The following R3HCC1L variants were observed in gnomAD, a reference collection of about 807,000 sequenced individuals.
R3HCC1L encodes R3H domain and coiled-coil containing 1 like.
A neutral mutation model predicts 59.9 loss-of-function variants in R3HCC1L; 51 were observed. The observed-to-expected ratio is 0.85, with a 90% confidence interval of 0.68 to 1.07. The LOEUF (loss-of-function observed/expected upper bound fraction) is 1.07. Ranked by LOEUF, R3HCC1L falls within the 50% of genes least tolerant of loss-of-function variation. The pLI, the probability that R3HCC1L is intolerant of heterozygous loss-of-function variation, is 0.00. For missense variants in R3HCC1L, 965 were observed against 933.0 expected (o/e 1.03, Z -0.45); for synonymous variants, 322 against 315.2 (o/e 1.02, Z -0.23).
chr10:98,177,345 A>C (rs774301331), intron 4 of R3HCC1L, among the ~76,000 whole-genome samples: 1 of 152,144 alleles, frequency 6.6e-6, no homozygotes, highest in Admixed American at 6.6e-5. Context: ...CCACGTCCCT[A>C]CAAAGGACAT....
intron 4 of R3HCC1L, among the ~76,000 whole-genome samples, chr10:98,185,070 C>T (rs1850080195): frequency 6.6e-6 from 1 of 152,140 alleles, no homozygotes; most frequent in Non-Finnish European, 1.5e-5. Flanking sequence ...GTGAAAATGA[C>T]TTTCTAACTT....
intron 6 of R3HCC1L, among the ~76,000 whole-genome samples, chr10:98,233,222 A>C (rs1179780545): frequency 6.6e-6 from 1 of 152,078 alleles, no homozygotes; most frequent in Non-Finnish European, 1.5e-5. Flanking sequence ...AGATCAATTA[A>C]CTCTTACAAA....
chr10:98,193,037 A>T (rs1192710909), intron 4 of R3HCC1L, among the ~76,000 whole-genome samples: 2 of 152,156 alleles, frequency 1.3e-5, no homozygotes, highest in Non-Finnish European at 2.9e-5. Context: ...AAATCACATC[A>T]TTTCAACTGA....
intron 4 of R3HCC1L, among the ~76,000 whole-genome samples, chr10:98,167,429 C>A (rs116010330): frequency 6.6e-6 from 1 of 152,152 alleles, no homozygotes; most frequent in Non-Finnish European, 1.5e-5. Context: ...GTGATAGATA[C>A]GGAGCTGTAG....
At chr10:98,166,341 A>G (rs1847944906) in intron 4 of R3HCC1L, among the ~76,000 whole-genome samples, 1 of 152,212 alleles carries the variant, frequency 6.6e-6, no homozygotes, top group Admixed American at 6.5e-5. Flanking sequence ...AATTGTGAGA[A>G]ATTTTTGTTG....
chr10:98,229,518 A>C (rs1321176456), intron 5 of R3HCC1L, among the ~76,000 whole-genome samples: 3 of 152,206 alleles, frequency 2.0e-5, no homozygotes, highest in Non-Finnish European at 4.4e-5. Context: ...CAATCATGTC[A>C]TCTGCAAACA....
chr10:98,149,295 C>G (rs1325130000), intron 1 of R3HCC1L, among the ~76,000 whole-genome samples: 1 of 151,986 alleles, frequency 6.6e-6, no homozygotes, highest in Admixed American at 6.6e-5. Context: ...GATTTTGTTT[C>G]TCTTTTCAAA....
At chr10:98,243,196 C>T (rs147360481) in intron 9 of R3HCC1L, among the ~76,000 whole-genome samples, 1 of 152,254 alleles carries the variant, frequency 6.6e-6, no homozygotes, top group East Asian at 1.9e-4. Flanking sequence ...GAATTCATCT[C>T]GATTTCTGTA....
chr10:98,209,695 G>T lies in R3HCC1L; in HGVS notation c.1581G>T (p.Glu527Asp). The T allele has an allele frequency of 6.2e-7, 1 of 1,613,994 alleles. No individual in the cohort carries two copies. Among genetic ancestry groups the T allele is most frequent in the Non-Finnish European group, 8.5e-7 (1 of 1,179,914 alleles). ...TGCACGAACTAAGAACTGCCGAAGA[G>T]TTCAAAACAGAAGAGCAAGATGACT... ...EALHELRTAE[E>D]FKTEEQDDSG... is the part of the protein sequence containing the mutation. Residue 527 changes from glutamate to aspartate, a missense_variant, in exon 5 of 10, where the codon GAG becomes GAT. By Grantham distance (45) the Glu-to-Asp change is conservative. Transcript: ENST00000298999.
At chr10:98,200,798 A>G (rs932066712) in intron 4 of R3HCC1L, among the ~76,000 whole-genome samples, 3 of 152,196 alleles carry the variant, frequency 2.0e-5, no homozygotes, top group Admixed American at 6.5e-5. Context: ...AGAAGAAGAA[A>G]GAGAAACTAG....
intron 4 of R3HCC1L, among the ~76,000 whole-genome samples, chr10:98,204,359 C>T (rs564875439): frequency 1.3e-5 from 2 of 151,834 alleles, no homozygotes; most frequent in Non-Finnish European, 2.9e-5. Context: ...GAGCCAAGAT[C>T]GTGCCATTGC....
intron 5 of R3HCC1L, among the ~76,000 whole-genome samples, chr10:98,215,441 AT>A (rs1854076400): frequency 1.3e-5 from 2 of 152,228 alleles, no homozygotes; most frequent in Admixed American, 1.3e-4. Flanking sequence ...TACATAAAAA[AT>A]GTAGTAAAAT....
intron 4 of R3HCC1L, among the ~76,000 whole-genome samples, chr10:98,178,526 A>G (rs540347789): frequency 4.2e-4 from 64 of 152,352 alleles, no homozygotes; most frequent in Non-Finnish European, 8.2e-4. Flanking sequence ...CTTTTGGCTT[A>G]GGATTGTCTT....
In R3HCC1L at chr10:98,231,572, C is replaced by T. The variant is rs774677191; in HGVS notation, c.1846C>T (p.His616Tyr). The T allele has an allele frequency of 1.9e-6, 3 of 1,612,880 alleles. No homozygotes were observed. The highest frequency in any genetic ancestry group is 2.5e-6 in the Non-Finnish European group (3 of 1,179,100). ...IQEPRSDYYNHEVPDIDLSDC... is the reference protein window; with the variant it reads ...IQEPRSDYYNYEVPDIDLSDC... Reference sequence around the variant, plus strand: ...GGAACCTAGATCTGATTACTACAATCATGAAGTTCCTGATATTGACCTCAG... The same window carrying T: ...GGAACCTAGATCTGATTACTACAATTATGAAGTTCCTGATATTGACCTCAG... The change falls in exon 6 of 10, where the codon CAT becomes TAT. Residue 616 changes from histidine to tyrosine, a missense_variant. By Grantham distance (83) the His-to-Tyr change is moderately conservative. Transcript: ENST00000298999.
At chr10:98,180,085 T>A (rs1849483203) in intron 4 of R3HCC1L, among the ~76,000 whole-genome samples, 1 of 152,206 alleles carries the variant, frequency 6.6e-6, no homozygotes, top group African/African-American at 2.4e-5. Context: ...TAGTTATTTC[T>A]TGCCTGCTGC....
At chr10:98,218,419 C>G (rs1340623216) in intron 5 of R3HCC1L, among the ~76,000 whole-genome samples, 1 of 151,684 alleles carries the variant, frequency 6.6e-6, no homozygotes. Flanking sequence ...TCAACGTATG[C>G]AAGTCATATG....
intron 4 of R3HCC1L, among the ~76,000 whole-genome samples, chr10:98,174,212 A>G (rs1848781184): frequency 6.6e-6 from 1 of 152,160 alleles, no homozygotes; most frequent in African/African-American, 2.4e-5. Flanking sequence ...TTAGTTAACT[A>G]TTTAAGTGTT....
chr10:98,209,581 T>A lies in R3HCC1L; in HGVS notation c.1467T>A (p.Ser489=). ...AGSNYNTFLD[S]ELSMLNGTKV... is the part of the protein sequence containing the mutation. ...GTAATTATAACACTTTTTTGGACTC[T>A]GAACTCAGTATGTTAAATGGGACAA... The change falls in exon 5 of 10, where the codon TCT becomes TCA. Residue 489 remains serine (S), a synonymous_variant. Transcript: ENST00000298999. 1 of 1,614,040 alleles carries A rather than the reference T, an allele frequency of 6.2e-7. No homozygotes were observed. The highest frequency in any genetic ancestry group is 1.6e-4 in the Middle Eastern group (1 of 6,062).
intron 4 of R3HCC1L, among the ~76,000 whole-genome samples, chr10:98,190,572 A>G (rs1850715626): frequency 6.6e-6 from 1 of 152,234 alleles, no homozygotes; most frequent in South Asian, 2.1e-4. Flanking sequence ...TAAGAATTTT[A>G]AAAGCCTTAA....
Sources: allele counts gnomAD v4.1 joint callset (sites outside exome capture counted in the v4.1 genomes callset), GRCh38; gene constraint gnomAD v4.1.1; transcripts MANE v1.5; gene names NCBI Gene and HGNC (gene_info 2026-07-23, HGNC 2026-07-21).